The following DLG2 variants were observed in gnomAD, a reference collection of about 807,000 sequenced individuals.
DLG2 encodes the protein disks large homolog 2.
Under a neutral mutation model 132.5 loss-of-function variants are expected in DLG2, and 45 were observed. The observed-to-expected ratio is 0.34, with a 90% CI of 0.27 to 0.44. DLG2 has a LOEUF of 0.44. DLG2 is among the 20% of genes least tolerant of loss of function. DLG2 has a pLI of 1.00. For synonymous variants in DLG2, 424 were observed against 419.6 expected (o/e 1.01, Z -0.13); for missense variants, 1,045 against 1,196.9 (o/e 0.87, Z 1.87).
At chr11:83,761,732 G>A (rs140606002) in intron 18 of DLG2, among the ~76,000 whole-genome samples, 41 of 152,194 alleles carry the variant, frequency 2.7e-4, no homozygotes, top group Middle Eastern at 6.8e-3. Context: ...CCTTGACAAC[G>A]TGCTGTTGTG....
At chr11:83,594,868 A>G (rs2057297870) in intron 19 of DLG2, among the ~76,000 whole-genome samples, 1 of 152,184 alleles carries the variant, frequency 6.6e-6, no homozygotes, top group Non-Finnish European at 1.5e-5. Flanking sequence ...TTAGGAAGAA[A>G]TAGAATAGGC....
intron 7 of DLG2, chr11:84,273,030 A>G: frequency 1.1e-6 from 1 of 871,718 alleles, no homozygotes; most frequent in Non-Finnish European, 1.6e-6. Flanking sequence ...TGAGAACTAC[A>G]GAGAAAATAA....
intron 7 of DLG2, among the ~76,000 whole-genome samples, chr11:84,354,729 T>G (rs2098600684): frequency 1.3e-5 from 2 of 151,894 alleles, no homozygotes. Context: ...CCCTAAAGAG[T>G]TGTGAAGCTG....
At chr11:83,902,067 C>T (rs186792589) in intron 15 of DLG2, among the ~76,000 whole-genome samples, 3 of 152,058 alleles carry the variant, frequency 2.0e-5, no homozygotes, top group Non-Finnish European at 2.9e-5. Context: ...TCAAAGTAAT[C>T]GTGCTAAACA....
chr11:85,599,687 C>G (rs1016899965), intron 2 of DLG2, among the ~76,000 whole-genome samples: 7 of 152,182 alleles, frequency 4.6e-5, no homozygotes, highest in African/African-American at 1.7e-4. Flanking sequence ...TCATTCAGAT[C>G]TAACTCAAAT....
intron 21 of DLG2, among the ~76,000 whole-genome samples, chr11:83,509,026 A>G (rs1245123521): frequency 1.3e-5 from 2 of 152,234 alleles, no homozygotes; most frequent in African/African-American, 4.8e-5. Flanking sequence ...TGACTGTTTC[A>G]TAATATAGTT....
intron 7 of DLG2, among the ~76,000 whole-genome samples, chr11:84,411,833 A>T (rs2098906704): frequency 6.6e-6 from 1 of 152,186 alleles, no homozygotes; most frequent in African/African-American, 2.4e-5. Flanking sequence ...AATCCTAGAA[A>T]ATAAAAATGA....
chr11:83,737,794 A>C (rs142435164), intron 18 of DLG2, among the ~76,000 whole-genome samples: 244 of 152,334 alleles, frequency 1.6e-3, no homozygotes, highest in Admixed American at 4.5e-3. Flanking sequence ...TCTACTAAAA[A>C]TAGAAAAAAT....
intron 9 of DLG2, among the ~76,000 whole-genome samples, chr11:84,152,464 G>A (rs1283049197): frequency 1.3e-5 from 2 of 150,596 alleles, no homozygotes; most frequent in Admixed American, 6.6e-5. Flanking sequence ...TCGGCTCACT[G>A]CAAGCTCCAC....
intron 18 of DLG2, among the ~76,000 whole-genome samples, chr11:83,691,076 G>A (rs1379797184): frequency 6.6e-6 from 1 of 152,156 alleles, no homozygotes; most frequent in Admixed American, 6.5e-5. Context: ...TGTGCACGTT[G>A]CAGCTTGCAT....
At chr11:84,255,771 T>C (rs2097458984) in intron 7 of DLG2, among the ~76,000 whole-genome samples, 1 of 152,174 alleles carries the variant, frequency 6.6e-6, no homozygotes, top group Admixed American at 6.5e-5. Flanking sequence ...AAAATCTTTC[T>C]TTAATCAGAA....
chr11:85,543,429 C>T (rs1041364957), intron 3 of DLG2, among the ~76,000 whole-genome samples: 1 of 152,038 alleles, frequency 6.6e-6, no homozygotes, highest in Admixed American at 6.6e-5. Flanking sequence ...CTAGTGTGAA[C>T]AATGCCACAA....
chr11:83,790,657 G>A, intron 17 of DLG2: 2 of 1,067,554 alleles, frequency 1.9e-6, no homozygotes, highest in Non-Finnish European at 2.9e-6. Flanking sequence ...GAGAGTGGAG[G>A]GACATGATGC....
chr11:84,650,959 T>C (rs2099681360), intron 6 of DLG2, among the ~76,000 whole-genome samples: 1 of 150,128 alleles, frequency 6.7e-6, no homozygotes, highest in Non-Finnish European at 1.5e-5. Flanking sequence ...GGAAATGGAA[T>C]TGCTAAGTCT....
At chr11:83,908,496 G>C (rs762086237) in intron 15 of DLG2, among the ~76,000 whole-genome samples, 1 of 151,808 alleles carries the variant, frequency 6.6e-6, no homozygotes, top group Non-Finnish European at 1.5e-5. Context: ...GCATATGCAC[G>C]CATGTACATA....
At chr11:85,299,664 A>C (rs913387212) in intron 3 of DLG2, among the ~76,000 whole-genome samples, 1 of 152,204 alleles carries the variant, frequency 6.6e-6, no homozygotes, top group African/African-American at 2.4e-5. Context: ...AGTGGCTGTC[A>C]AATTTTATTG....
chr11:83,923,699 G>T (rs1225794045), intron 15 of DLG2, among the ~76,000 whole-genome samples: 2 of 152,090 alleles, frequency 1.3e-5, no homozygotes, highest in African/African-American at 4.8e-5. Flanking sequence ...TTAATAAATA[G>T]TTCTGAATCC....
At chr11:85,307,112 A>AT (rs1260272020) in intron 3 of DLG2, among the ~76,000 whole-genome samples, 1 of 152,248 alleles carries the variant, frequency 6.6e-6, no homozygotes, top group African/African-American at 2.4e-5. Flanking sequence ...TCCACACAGT[A>AT]TAACGAAAGA....
At chr11:84,154,372 A>G (rs1434857090) in intron 9 of DLG2, among the ~76,000 whole-genome samples, 1 of 152,190 alleles carries the variant, frequency 6.6e-6, no homozygotes, top group Non-Finnish European at 1.5e-5. Flanking sequence ...CATAAAGTGA[A>G]AGCAAATCAT....
Sources: gnomAD v4.1 joint callset for allele counts (sites outside exome capture counted in the v4.1 genomes callset) on GRCh38, gnomAD v4.1.1 for gene constraint, MANE v1.5 for transcripts, NCBI Gene and HGNC (gene_info 2026-07-23, HGNC 2026-07-21) for gene names.